Variants in CHM observed in about 807,000 individuals in gnomAD.
The protein encoded by CHM is CHM Rab escort protein.
Under a neutral mutation model 49.0 loss-of-function variants are expected in CHM, and 10 were observed. The ratio of observed to expected loss-of-function variants is 0.20; its 90% CI spans 0.13 to 0.35. CHM has a LOEUF of 0.35. CHM is among the 10% of genes least tolerant of loss of function. The pLI is 1.00. For synonymous variants in CHM, 184 were observed against 167.5 expected (o/e 1.10, Z -0.76); for missense variants, 455 against 478.4 (o/e 0.95, Z 0.46).
At chrX:86,000,592 C>A (rs1932668323) in intron 2 of CHM, among the ~76,000 whole-genome samples, 1 of 106,854 alleles carries the variant, frequency 9.4e-6, no homozygotes, top group African/African-American at 3.4e-5. Context: ...GATATGGAAT[C>A]AACTTTAATG....
chrX:85,997,388 A>T (rs1248738226), intron 2 of CHM, among the ~76,000 whole-genome samples: 3 of 111,910 alleles, frequency 2.7e-5, no homozygotes, highest in East Asian at 5.6e-4. Context: ...AAAGAACATA[A>T]CCTCAATCAG....
chrX:85,940,344 A>G (rs1929035322), intron 8 of CHM, among the ~76,000 whole-genome samples: 1 of 112,031 alleles, frequency 8.9e-6, no homozygotes. Flanking sequence ...ACATTGAACT[A>G]GTTTGAGGTT....
chrX:86,047,486 G>A lies in CHM; in HGVS notation c.47C>T (p.Thr16Met), dbSNP rs1021746178. 8.3e-7 allele frequency: 1 copy of A among 1,207,279 alleles called. No individual in the cohort carries two copies. Residue 16 changes from threonine (T) to methionine (M), a missense_variant and splice_region_variant, in exon 1 of 15, where the codon ACG becomes ATG. Transcript: ENST00000357749. ...AGGAAGCACCAGGCTACACATACCC[G>A]TCCCTATTACGATCACATCAAACTC... ...PSEFDVIVIG[T>M]GLPESIIAAA...
intron 9 of CHM, among the ~76,000 whole-genome samples, chrX:85,909,880 C>G (rs1926826139): frequency 8.9e-6 from 1 of 111,784 alleles, no homozygotes; most frequent in Admixed American, 9.5e-5. Flanking sequence ...GGAACATACT[C>G]TTGTAGCAAA....
At position 85,952,461 on chromosome X, in the gene CHM, T is replaced by C. The variant is rs531957881; in HGVS notation, c.1166+3692A>G. ...CCAGAAAACATTTCTAGACATACCA[T>C]GGACGATAAGGGAACCCATTGCCTT... On this transcript the variant is annotated intron_variant, in intron 8 of 14. Transcript: ENST00000357749. 4.6e-4 allele frequency among the ~76,000 whole-genome samples: 51 copies of C among 111,441 alleles called. No individual in the cohort carries two copies. The South Asian group carries it at 0.016, about 34-fold the overall frequency.
At chrX:86,012,707 C>T (rs1933130271) in intron 2 of CHM, among the ~76,000 whole-genome samples, 1 of 111,150 alleles carries the variant, frequency 9.0e-6, no homozygotes, top group Non-Finnish European at 1.9e-5. Flanking sequence ...TTTTACCAAC[C>T]CAGAAGTTGA....
intron 1 of CHM, among the ~76,000 whole-genome samples, chrX:86,041,755 T>TAC (rs1374171163): frequency 2.1e-5 from 2 of 95,134 alleles, no homozygotes; most frequent in Non-Finnish European, 4.2e-5. Context: ...TATATATATA[T>TAC]ATACATATAT....
chrX:85,866,225 T>C (rs780553702), intron 14 of CHM, among the ~76,000 whole-genome samples: 1 of 112,279 alleles, frequency 8.9e-6, no homozygotes, highest in African/African-American at 3.2e-5. Context: ...TGGAACATGG[T>C]ACCCTACATC....
At chrX:85,922,743 G>A (rs1383692128) in intron 8 of CHM, among the ~76,000 whole-genome samples, 1 of 111,813 alleles carries the variant, frequency 8.9e-6, no homozygotes, top group Non-Finnish European at 1.9e-5. Flanking sequence ...CATAGGCAAT[G>A]ACTCCTGCAG....
chrX:85,936,503 C>T (rs1015572053), intron 8 of CHM, among the ~76,000 whole-genome samples: 8 of 111,701 alleles, frequency 7.2e-5, no homozygotes, highest in African/African-American at 2.3e-4. Context: ...TTCAAGTCCA[C>T]CTAAATAACA....
At chrX:86,035,143 C>T (rs775765559) in intron 1 of CHM, among the ~76,000 whole-genome samples, 1 of 112,225 alleles carries the variant, frequency 8.9e-6, no homozygotes, top group South Asian at 3.7e-4. Flanking sequence ...GAGAGGTCTA[C>T]AGCAAAACAG....
intron 9 of CHM, among the ~76,000 whole-genome samples, chrX:85,903,992 A>AT (rs1926445037): frequency 9.0e-6 from 1 of 111,699 alleles, no homozygotes; most frequent in African/African-American, 3.3e-5. Context: ...CCTCTCAGAC[A>AT]TTTAACTTAC....
chrX:85,952,153 T>C (rs778987636), intron 8 of CHM, among the ~76,000 whole-genome samples: 1 of 111,425 alleles, frequency 9.0e-6, no homozygotes, highest in African/African-American at 3.3e-5. Context: ...AGGACTGTAA[T>C]TCCCAGGCAA....
intron 9 of CHM, among the ~76,000 whole-genome samples, chrX:85,908,205 C>T (rs1465913613): frequency 8.9e-6 from 1 of 112,060 alleles, no homozygotes; most frequent in Non-Finnish European, 1.9e-5. Context: ...AGCCTTGAAT[C>T]CTTAAAAAGA....
chrX:85,997,668 G>A (rs1263505676), intron 2 of CHM, among the ~76,000 whole-genome samples: 1 of 111,362 alleles, frequency 9.0e-6, no homozygotes, highest in African/African-American at 3.3e-5. Flanking sequence ...TGAAGAAGCT[G>A]GCTGGGGGCG....
chrX:86,013,956 C>T (rs1178883123), intron 2 of CHM, among the ~76,000 whole-genome samples: 1 of 111,503 alleles, frequency 9.0e-6, no homozygotes, highest in African/African-American at 3.3e-5. Flanking sequence ...CTTTGCAGGC[C>T]ACACAGCCTC....
At chrX:85,943,610 C>T (rs906987320) in intron 8 of CHM, among the ~76,000 whole-genome samples, 7 of 111,631 alleles carry the variant, frequency 6.3e-5, no homozygotes, top group African/African-American at 2.3e-4. Flanking sequence ...GAATATGCAT[C>T]CATAATGAGA....
At chrX:85,910,583 T>C (rs767466234) in intron 9 of CHM, among the ~76,000 whole-genome samples, 26 of 111,700 alleles carry the variant, frequency 2.3e-4, no homozygotes, top group South Asian at 1.5e-3. Context: ...GGTGTTCAGC[T>C]CTTTTAAAGA....
intron 11 of CHM, among the ~76,000 whole-genome samples, chrX:85,900,090 A>G (rs767096799): frequency 3.6e-5 from 4 of 111,987 alleles, no homozygotes. Flanking sequence ...TGCAGCGAAG[A>G]TTTGGAAACA....
Sources: gnomAD v4.1 joint callset for allele counts (sites outside exome capture counted in the v4.1 genomes callset) on GRCh38, gnomAD v4.1.1 for gene constraint, MANE v1.5 for transcripts, NCBI Gene and HGNC (gene_info 2026-07-23, HGNC 2026-07-21) for gene names.